The following DOCK3 variants were observed in gnomAD, a reference collection of about 807,000 sequenced individuals.
DOCK3 encodes dedicator of cytokinesis 3, also known as dedicator of cytokinesis protein 3.
In DOCK3, 60 loss-of-function variants were observed where a neutral mutation model predicts 265.6. The observed-to-expected ratio is 0.23, with a 90% confidence interval of 0.18 to 0.28. The LOEUF (loss-of-function observed/expected upper bound fraction) is 0.28. Among genes scored for constraint, DOCK3 ranks in the 10% least tolerant of loss-of-function variants. DOCK3 has a pLI of 1.00. For synonymous variants in DOCK3, 881 were observed against 938.0 expected (o/e 0.94, Z 1.11); for missense variants, 1,981 against 2,594.3 (o/e 0.76, Z 5.14).
At chr3:50,920,789 A>G (rs925974620) in intron 4 of DOCK3, among the ~76,000 whole-genome samples, 1 of 152,070 alleles carries the variant, frequency 6.6e-6, no homozygotes, top group African/African-American at 2.4e-5. Flanking sequence ...GCCTTCTGCT[A>G]GCTTTTGAAT....
intron 1 of DOCK3, among the ~76,000 whole-genome samples, chr3:50,712,055 T>A (rs910043550): frequency 5.3e-5 from 8 of 152,170 alleles, no homozygotes; most frequent in Middle Eastern, 3.4e-3. Context: ...TTAAGTCTTT[T>A]AAAAAAAATC....
At chr3:50,916,473 A>G (rs2050132574) in intron 4 of DOCK3, among the ~76,000 whole-genome samples, 1 of 151,926 alleles carries the variant, frequency 6.6e-6, no homozygotes, top group Non-Finnish European at 1.5e-5. Context: ...CAGAGTTTGT[A>G]TTGCTCCTTT....
intron 5 of DOCK3, among the ~76,000 whole-genome samples, chr3:50,962,010 T>C (rs112445527): frequency 7.0e-6 from 1 of 143,386 alleles, no homozygotes; most frequent in Non-Finnish European, 1.5e-5. Context: ...TTTTTTTTTT[T>C]AATATATATG....
intron 6 of DOCK3, among the ~76,000 whole-genome samples, chr3:51,065,789 CA>C (rs375062624): frequency 6.6e-6 from 1 of 151,992 alleles, no homozygotes; most frequent in African/African-American, 2.4e-5. Flanking sequence ...TACCCATGTA[CA>C]AAAAAACTCT....
chr3:50,949,156 A>G (rs1225429119), intron 5 of DOCK3, among the ~76,000 whole-genome samples: 1 of 152,206 alleles, frequency 6.6e-6, no homozygotes, highest in Non-Finnish European at 1.5e-5. Flanking sequence ...ATAAAAGAAA[A>G]AAGCTGACGT....
intron 1 of DOCK3, among the ~76,000 whole-genome samples, chr3:50,729,644 A>G (rs2038069124): frequency 6.6e-6 from 1 of 151,638 alleles, no homozygotes. Context: ...CAAGTGATCT[A>G]CTTCAGCCTC....
chr3:50,905,490 T>C (rs1213271014), intron 4 of DOCK3, among the ~76,000 whole-genome samples: 9 of 152,042 alleles, frequency 5.9e-5, no homozygotes, highest in African/African-American at 1.9e-4. Flanking sequence ...CCCTTGTAAG[T>C]TGTATTCCTA....
chr3:51,081,044 A>T (rs571726209), intron 7 of DOCK3, among the ~76,000 whole-genome samples: 1 of 152,280 alleles, frequency 6.6e-6, no homozygotes, highest in East Asian at 1.9e-4. Context: ...ATATATTTCC[A>T]TGAATGAACA....
intron 5 of DOCK3, among the ~76,000 whole-genome samples, chr3:51,015,760 G>GAT (rs1303272191): frequency 1.1e-4 from 2 of 18,544 alleles, no homozygotes; most frequent in Non-Finnish European, 1.7e-4. Flanking sequence ...TTCTATATAT[G>GAT]ATATATATAT....
At chr3:51,216,517 C>G (rs937906794) in intron 14 of DOCK3, among the ~76,000 whole-genome samples, 1 of 152,180 alleles carries the variant, frequency 6.6e-6, no homozygotes, top group African/African-American at 2.4e-5. Context: ...GTACTGAGTG[C>G]TGTAGCCGAA....
At chr3:50,978,964 T>C (rs1315054474) in intron 5 of DOCK3, among the ~76,000 whole-genome samples, 3 of 152,196 alleles carry the variant, frequency 2.0e-5, no homozygotes, top group Non-Finnish European at 4.4e-5. Flanking sequence ...CCTGACCCCT[T>C]GCGCTTCCCG....
chr3:50,755,754 T>A (rs1323828409), intron 1 of DOCK3, among the ~76,000 whole-genome samples: 1 of 152,214 alleles, frequency 6.6e-6, no homozygotes, highest in Non-Finnish European at 1.5e-5. Context: ...ATAAATGGAA[T>A]CATATAATAT....
intron 27 of DOCK3, among the ~76,000 whole-genome samples, chr3:51,305,993 C>T (rs952335249): frequency 6.6e-6 from 1 of 150,406 alleles, no homozygotes; most frequent in Admixed American, 6.6e-5. Flanking sequence ...GTGCACACCA[C>T]CACACCAGCT....
At chr3:51,253,163 T>G (rs556184083) in intron 22 of DOCK3, among the ~76,000 whole-genome samples, 11 of 152,306 alleles carry the variant, frequency 7.2e-5, no homozygotes, top group African/African-American at 2.6e-4. Flanking sequence ...TAATGGATTA[T>G]GTTTATTGGT....
At chr3:51,160,816 C>A in intron 12 of DOCK3, 114 bp downstream of exon 12, 1 of 1,304,078 alleles carries the variant, frequency 7.7e-7, no homozygotes, top group Non-Finnish European at 1.0e-6. Context: ...GTGGCTCACG[C>A]CTGTATTCCC....
chr3:50,688,234 C>T (rs1388054908), intron 1 of DOCK3, among the ~76,000 whole-genome samples: 1 of 152,112 alleles, frequency 6.6e-6, no homozygotes, highest in Non-Finnish European at 1.5e-5. Flanking sequence ...AAGTGGTGGC[C>T]TTCAATAATT....
intron 6 of DOCK3, among the ~76,000 whole-genome samples, chr3:51,074,430 A>G (rs1176652954): frequency 6.6e-6 from 1 of 152,144 alleles, no homozygotes; most frequent in Non-Finnish European, 1.5e-5. Context: ...ACTGCCTAAT[A>G]CTGCCATTAC....
intron 22 of DOCK3, among the ~76,000 whole-genome samples, chr3:51,259,812 G>T (rs1560303056): frequency 6.6e-6 from 1 of 151,606 alleles, no homozygotes; most frequent in Non-Finnish European, 1.5e-5. Context: ...TTTATTTCCA[G>T]ACCTGAAAAA....
intron 2 of DOCK3, among the ~76,000 whole-genome samples, chr3:50,836,073 A>G (rs1267618340): frequency 6.6e-6 from 1 of 152,344 alleles, no homozygotes; most frequent in East Asian, 1.9e-4. Context: ...TGATACACCC[A>G]AAAGTAAAAA....
Sources: gnomAD v4.1 joint callset for allele counts (sites outside exome capture counted in the v4.1 genomes callset) on GRCh38, gnomAD v4.1.1 for gene constraint, MANE v1.5 for transcripts, NCBI Gene and HGNC (gene_info 2026-07-23, HGNC 2026-07-21) for gene names.